The following PIK3R4 variants were observed in gnomAD, a reference collection of about 807,000 sequenced individuals.
The protein encoded by PIK3R4 is phosphoinositide-3-kinase regulatory subunit 4, also known as phosphoinositide 3-kinase regulatory subunit 4.
PIK3R4 carries 46 observed loss-of-function variants against 136.5 expected under a neutral mutation model. The ratio of observed to expected loss-of-function variants is 0.34; its 90% CI spans 0.27 to 0.43. PIK3R4 has a LOEUF of 0.43. Among genes scored for constraint, PIK3R4 ranks in the 20% least tolerant of loss-of-function variants. PIK3R4 has a pLI of 1.00. For synonymous variants in PIK3R4, 557 were observed against 566.7 expected (o/e 0.98, Z 0.24); for missense variants, 1,331 against 1,649.5 (o/e 0.81, Z 3.35).
At chr3:130,714,361 C>T (rs1051482925) in intron 9 of PIK3R4, among the ~76,000 whole-genome samples, 1 of 152,038 alleles carries the variant, frequency 6.6e-6, no homozygotes, top group African/African-American at 2.4e-5. Flanking sequence ...TTCCACATAC[C>T]CCTCATAAAA....
intron 6 of PIK3R4, among the ~76,000 whole-genome samples, chr3:130,727,466 G>A (rs867443374): frequency 6.6e-6 from 1 of 152,024 alleles, no homozygotes; most frequent in Non-Finnish European, 1.5e-5. Flanking sequence ...CTCGTGATCC[G>A]CCCGCCTCGG....
At chr3:130,715,511 G>A (rs921577331) in intron 9 of PIK3R4, among the ~76,000 whole-genome samples, 1 of 152,124 alleles carries the variant, frequency 6.6e-6, no homozygotes, top group Non-Finnish European at 1.5e-5. Flanking sequence ...CTGATCATGA[G>A]TGATGTTAAG....
intron 8 of PIK3R4, among the ~76,000 whole-genome samples, chr3:130,717,332 A>C (rs569957744): frequency 8.6e-4 from 131 of 152,282 alleles, no homozygotes; most frequent in Non-Finnish European, 1.3e-3. Context: ...TAGCCTCTCA[A>C]CTTCTGATCC....
intron 2 of PIK3R4, among the ~76,000 whole-genome samples, chr3:130,743,409 C>T (rs1235376381): frequency 6.6e-6 from 1 of 151,940 alleles, no homozygotes; most frequent in Middle Eastern, 3.2e-3. Flanking sequence ...TGAGATCCTA[C>T]CTCTAAAAAA....
chr3:130,689,985 T>C (rs1349446641), intron 14 of PIK3R4, among the ~76,000 whole-genome samples: 2 of 152,242 alleles, frequency 1.3e-5, no homozygotes, highest in African/African-American at 2.4e-5. Flanking sequence ...AAACCACCGC[T>C]ATTTTGTTTT....
chr3:130,728,805 G>C, intron 5 of PIK3R4, 121 bp from the exon 6 acceptor site: 1 of 631,312 alleles, frequency 1.6e-6, no homozygotes. Flanking sequence ...ACTGATTACA[G>C]AATCCACCGA....
chr3:130,718,254 T>C (rs1166414334), intron 8 of PIK3R4, 135 bp downstream of exon 8: 5 of 714,412 alleles, frequency 7.0e-6, no homozygotes, highest in Middle Eastern at 4.1e-4. Context: ...ATTAATTAGC[T>C]TGAAAGGAAT....
intron 15 of PIK3R4, among the ~76,000 whole-genome samples, chr3:130,685,147 G>A (rs971353539): frequency 1.3e-5 from 2 of 152,156 alleles, no homozygotes; most frequent in Non-Finnish European, 2.9e-5. Flanking sequence ...GGGCAGATGG[G>A]AAAAGGGGAA....
intron 15 of PIK3R4, among the ~76,000 whole-genome samples, chr3:130,685,550 A>G (rs2108515389): frequency 6.6e-6 from 1 of 152,360 alleles, no homozygotes. Context: ...TCAGCTATCC[A>G]TCAACTGAGG....
intron 13 of PIK3R4, among the ~76,000 whole-genome samples, chr3:130,694,807 C>T (rs2107603647): frequency 6.6e-6 from 1 of 152,214 alleles, no homozygotes; most frequent in Admixed American, 6.5e-5. Flanking sequence ...GCTAGAACCT[C>T]CAGTACAGTA....
intron 16 of PIK3R4, among the ~76,000 whole-genome samples, chr3:130,682,405 A>T (rs2066464619): frequency 6.6e-6 from 1 of 152,198 alleles, no homozygotes; most frequent in Non-Finnish European, 1.5e-5. Context: ...CAGAGGGAAT[A>T]CAAGTCTGCT....
intron 14 of PIK3R4, among the ~76,000 whole-genome samples, chr3:130,687,674 A>G (rs976386202): frequency 5.9e-5 from 9 of 152,104 alleles, no homozygotes; most frequent in Non-Finnish European, 1.3e-4. Flanking sequence ...GGATTCACAG[A>G]TATTTATTTT....
In PIK3R4 at chr3:130,718,490, C is replaced by T. The variant is rs777507921; in HGVS notation, c.2026G>A (p.Val676Met). 1.6e-5 allele frequency: 26 copies of T among 1,613,624 alleles called. No homozygotes were observed. The highest frequency in any genetic ancestry group is 1.3e-4 in the African/African-American group (10 of 74,858). Residue 676 changes from valine (V) to methionine (M), a missense_variant, in exon 8 of 20, where the codon GTG (valine) becomes ATG (methionine). By Grantham distance (21) the Val-to-Met change is conservative. Coordinates refer to ENST00000356763, the MANE Select transcript of PIK3R4 (RefSeq NM_014602.3). The part of the protein sequence containing the change: ...HPNLWIRYGA[V>M]GFITVVARQI... ...CGAGCTACCACTGTGATAAATCCCACGGCACCATAACGTATCCATAAATTG... is the reference window on the plus strand; with the variant it reads ...CGAGCTACCACTGTGATAAATCCCATGGCACCATAACGTATCCATAAATTG...
Position 130,726,840 on chromosome 3 carries a change from C to T in PIK3R4, c.1807+1623G>A, listed in dbSNP as rs766485635. Among the ~76,000 whole-genome samples the T allele has an allele frequency of 3.0e-4, 45 of 151,542 alleles. 1 individual carries two copies. Among genetic ancestry groups the T allele is most frequent in the Admixed American group, 1.2e-3 (18 of 15,242 alleles). The stretch of plus-strand genomic sequence containing the variant: ...GGGGAAGTTTTAAGAACCGACTTTT[C>T]CCGAGAAAAGAAATAAATATAACAT... On this transcript the variant is annotated intron_variant, in intron 6 of 19. Transcript: ENST00000356763.
chr3:130,714,641 T>C (rs574707575), intron 9 of PIK3R4, among the ~76,000 whole-genome samples: 1 of 151,932 alleles, frequency 6.6e-6, no homozygotes, highest in East Asian at 1.9e-4. Context: ...TTTGTGTCGT[T>C]TCCCCCTATG....
At chr3:130,731,251 A>G (rs956111510) in intron 4 of PIK3R4, among the ~76,000 whole-genome samples, 2 of 152,208 alleles carry the variant, frequency 1.3e-5, no homozygotes, top group African/African-American at 4.8e-5. Flanking sequence ...TTTCCTTCTT[A>G]GCAGTGAATA....
chr3:130,687,001 G>A (rs1291894615), intron 14 of PIK3R4, among the ~76,000 whole-genome samples: 10 of 151,874 alleles, frequency 6.6e-5, no homozygotes, highest in East Asian at 3.9e-4. Context: ...AGGGAGGACC[G>A]GATGTTAGCA....
intron 14 of PIK3R4, among the ~76,000 whole-genome samples, chr3:130,689,261 T>C (rs750456996): frequency 2.0e-5 from 3 of 152,240 alleles, no homozygotes; most frequent in African/African-American, 4.8e-5. Flanking sequence ...AAAAGTGCCA[T>C]TGGCTGAGAG....
In PIK3R4 at chr3:130,729,822, A is replaced by G. The variant is rs530263523; in HGVS notation, c.1585+486T>C. ...CAACAAACATTAAGTAAAAATCTGT[A>G]AAGAGTTGTATAACACAAAGAAACC... is the stretch of plus-strand genomic sequence containing the variant. On this transcript the variant is annotated intron_variant, in intron 5 of 19. Transcript: ENST00000356763. Among the ~76,000 whole-genome samples, 287 of 152,324 alleles carry G rather than the reference A, an allele frequency of 1.9e-3. 1 individual carries two copies. Among genetic ancestry groups the G allele is most frequent in the African/African-American group, 6.6e-3 (273 of 41,580 alleles).
Sources: gnomAD v4.1 joint callset for allele counts (sites outside exome capture counted in the v4.1 genomes callset) on GRCh38, gnomAD v4.1.1 for gene constraint, MANE v1.5 for transcripts, NCBI Gene and HGNC (gene_info 2026-07-23, HGNC 2026-07-21) for gene names.